The following NAPG variants were observed in gnomAD, a reference collection of about 807,000 sequenced individuals.
NAPG encodes the protein gamma-soluble NSF attachment protein.
In NAPG, 25 loss-of-function variants were observed where a neutral mutation model predicts 48.4. That is an observed-to-expected ratio of 0.52 (90% CI 0.38 to 0.72). NAPG has a LOEUF of 0.72. NAPG is among the 30% of genes least tolerant of loss of function. NAPG has a pLI of 0.00. For missense variants in NAPG, 359 were observed against 372.5 expected (o/e 0.96, Z 0.30); for synonymous variants, 139 against 127.2 (o/e 1.09, Z -0.62).
chr18:10,550,622 A>G lies in NAPG; in HGVS notation c.*402A>G, dbSNP rs2032368992. Reference sequence around the variant, plus strand: ...TACGTTTCATTTAATAATTGCTGCTAAAGGTGATGTTTACTGATAAATCAT... The same window carrying G: ...TACGTTTCATTTAATAATTGCTGCTGAAGGTGATGTTTACTGATAAATCAT... On this transcript the variant is annotated 3_prime_UTR_variant, in exon 12 of 12. Coordinates refer to ENST00000322897, the MANE Select transcript of NAPG (RefSeq NM_003826.3). 1 of 156,252 alleles carries G rather than the reference A, an allele frequency of 6.4e-6. No individual in the cohort carries two copies. Among genetic ancestry groups the G allele is most frequent in the South Asian group, 1.9e-4 (1 of 5,224 alleles). 9.7% of individuals were successfully genotyped at this position (156,252 alleles called of 1,614,324 possible).
chr18:10,526,917 C>A (rs185893522), intron 1 of NAPG, among the ~76,000 whole-genome samples: 1 of 151,864 alleles, frequency 6.6e-6, no homozygotes, highest in Non-Finnish European at 1.5e-5. Context: ...GGGCCGGGCG[C>A]GGTGGCTCAC....
At chr18:10,532,824 T>A in intron 3 of NAPG, 29 bp downstream of exon 3, 1 of 1,496,028 alleles carries the variant, frequency 6.7e-7, no homozygotes, top group African/African-American at 1.4e-5. Flanking sequence ...AAAAAGAAAT[T>A]AAACAATTAG....
chr18:10,527,431 G>A (rs1217874717), intron 1 of NAPG, among the ~76,000 whole-genome samples: 2 of 152,164 alleles, frequency 1.3e-5, no homozygotes, highest in Non-Finnish European at 2.9e-5. Context: ...ATGACTCGAG[G>A]CAGTCAGCGT....
intron 8 of NAPG, among the ~76,000 whole-genome samples, chr18:10,545,185 G>A (rs9955126): frequency 0.019 from 2,845 of 152,010 alleles, 88 homozygotes; most frequent in African/African-American, 0.063. Flanking sequence ...GGTGGTGGGC[G>A]CCTGTAATCC....
At position 10,534,630 on chromosome 18, in the gene NAPG, A is replaced by G; in HGVS notation, c.258+134A>G. ...GGTGCTAAGTTAAGATTTTCTGTCCACGGTAACGTTAATTGGACCCATAGA... is the reference window on the plus strand; with the variant it reads ...GGTGCTAAGTTAAGATTTTCTGTCCGCGGTAACGTTAATTGGACCCATAGA... On this transcript the variant is annotated intron_variant, in intron 5 of 11. Transcript: ENST00000322897. This position sits in a 1 kb window ranked among gnomAD's most constrained non-coding sequence, Gnocchi z 5.0. 2 of 743,572 alleles carry G rather than the reference A, an allele frequency of 2.7e-6. No homozygotes were observed. The highest frequency in any genetic ancestry group is 2.3e-5 in the Admixed American group (1 of 44,110). 46.1% of individuals were successfully genotyped at this position (743,572 alleles called of 1,614,324 possible). A position where few individuals can be genotyped will look rare whatever the true frequency, so the allele number is the denominator to read the frequency against.
rs976483259 is a variant in NAPG at position 10,546,179 on chromosome 18, T to C, written c.507-147T>C. On this transcript the variant is annotated intron_variant, in intron 8 of 11. Coordinates refer to ENST00000322897, the MANE Select transcript of NAPG (RefSeq NM_003826.3). The surrounding 1 kb of genome is among the most constrained non-coding windows in gnomAD (Gnocchi z 4.0). Reference sequence around the variant, plus strand: ...AAAGGTAAGCCAGATGAGCAGAGCATGTGGAAACCTGGGTCCTGGGGCAGC... The same window carrying C: ...AAAGGTAAGCCAGATGAGCAGAGCACGTGGAAACCTGGGTCCTGGGGCAGC... 5 of 487,790 alleles carry C rather than the reference T, an allele frequency of 1.0e-5. No homozygotes were observed. Among genetic ancestry groups the C allele is most frequent in the Admixed American group, 3.6e-5 (1 of 27,450 alleles). The allele number at this position is 487,790 out of a possible 1,614,324, so 30.2% of individuals were successfully genotyped here. A position where few individuals can be genotyped will look rare whatever the true frequency, so the allele number is the denominator to read the frequency against.
In NAPG at chr18:10,543,082, G is replaced by C. The variant is rs2032188176; in HGVS notation, c.506+2683G>C. ...ACCTATAATCCCAGCTACTCGGGAG[G>C]CTGGAGAATCGCTTGAACCCAGGAG... On this transcript the variant is annotated intron_variant, in intron 8 of 11. Coordinates refer to ENST00000322897, the MANE Select transcript of NAPG (RefSeq NM_003826.3). This position sits in a 1 kb window ranked among gnomAD's most constrained non-coding sequence, Gnocchi z 4.4. 1.3e-5 allele frequency among the ~76,000 whole-genome samples: 2 copies of C among 151,378 alleles called. No homozygotes were observed. Among genetic ancestry groups the C allele is most frequent in the South Asian group, 4.2e-4 (2 of 4,788 alleles).
chr18:10,548,994 C>CT lies in NAPG; in HGVS notation c.694dup (p.Cys232LeufsTer9). On this transcript the variant is annotated frameshift_variant, in exon 11 of 12. Transcript: ENST00000322897. LOFTEE classifies it high-confidence loss of function. This position sits in a 1 kb window ranked among gnomAD's most constrained non-coding sequence, Gnocchi z 4.4. Reference sequence around the variant, plus strand: ...TCCCTGGGTTCAATGGCAGTGAAGACTGTGCTGCCCTGGAACAGCTTCTTG... The same window carrying CT: ...TCCCTGGGTTCAATGGCAGTGAAGACTTGTGCTGCCCTGGAACAGCTTCTTG... 6.2e-7 allele frequency: 1 copy of CT among 1,613,796 alleles called. No homozygotes were observed. The highest frequency in any genetic ancestry group is 8.5e-7 in the Non-Finnish European group (1 of 1,179,740).
rs1337201674 is a variant in NAPG, at chr18:10,544,361, T to TGTC, written c.507-1963_507-1961dup. ...GGGTCTCACCAGGCCGAAATGAAGG[T>TGTC]GTCGGAGGGGGCTGATCTCACCGGA... is the stretch of plus-strand genomic sequence containing the variant. On this transcript the variant is annotated intron_variant, in intron 8 of 11. Coordinates refer to ENST00000322897, the MANE Select transcript of NAPG (RefSeq NM_003826.3). The surrounding 1 kb of genome is among the most constrained non-coding windows in gnomAD (Gnocchi z 5.1). Among the ~76,000 whole-genome samples, 1 of 152,114 alleles carries TGTC rather than the reference T, an allele frequency of 6.6e-6. No individual in the cohort carries two copies. Among genetic ancestry groups the TGTC allele is most frequent in the East Asian group, 1.9e-4 (1 of 5,194 alleles).
In NAPG at chr18:10,550,186, A is replaced by G; in HGVS notation, c.905A>G (p.Glu302Gly). Residue 302 changes from glutamate to glycine, a missense_variant, in exon 12 of 12, where the codon GAA (glutamate) becomes GGA (glycine). Glu to Gly is a moderately conservative substitution (Grantham distance 98). Coordinates refer to ENST00000322897, the MANE Select transcript of NAPG (RefSeq NM_003826.3). ...GGTGTCACTGCCACGGCTGCTGATG[A>G]AGAGGAAGATGAATACTCAGGAGGA... The part of the protein sequence containing the change: ...PDGVTATAAD[E>G]EEDEYSGGLC 1 of 1,589,156 alleles carries G rather than the reference A, an allele frequency of 6.3e-7. No individual in the cohort carries two copies.
intron 1 of NAPG, among the ~76,000 whole-genome samples, chr18:10,528,044 G>C (rs2031856255): frequency 6.6e-6 from 1 of 152,086 alleles, no homozygotes. Flanking sequence ...AAATTAGCCG[G>C]CTGTGGTGGC....
In NAPG at chr18:10,550,016, G is replaced by A. The variant is rs914334985; in HGVS notation, c.796-61G>A. 24 of 1,466,750 alleles carry A rather than the reference G, an allele frequency of 1.6e-5. No homozygotes were observed. The African/African-American group carries it at 2.5e-4, about 15-fold the overall frequency. 90.9% of individuals were successfully genotyped at this position (1,466,750 alleles called of 1,614,324 possible). A position where few individuals can be genotyped will look rare whatever the true frequency, so the allele number is the denominator to read the frequency against. On this transcript the variant is annotated intron_variant, in intron 11 of 11. Coordinates refer to ENST00000322897, the MANE Select transcript of NAPG (RefSeq NM_003826.3). Reference sequence around the variant, plus strand: ...AGCCAGGCTGTGTCTTTTTAGAGCTGAGTAAAACATGTTAGGATTCTAGTT... The same window carrying A: ...AGCCAGGCTGTGTCTTTTTAGAGCTAAGTAAAACATGTTAGGATTCTAGTT...
In NAPG at chr18:10,526,233, G is replaced by A. The variant is rs552599953; in HGVS notation, c.56+75G>A. ...TCACTGGCGCGGCCTTAGCACCCGG[G>A]GGGGGCGGGAGGGAGGGCTCAGGGC... On this transcript the variant is annotated intron_variant, in intron 1 of 11. Transcript: ENST00000322897. The A allele has an allele frequency of 1.2e-5, 11 of 942,286 alleles. 1 individual carries two copies. The highest frequency in any genetic ancestry group is 8.7e-5 in the East Asian group (3 of 34,370). 58.4% of individuals were successfully genotyped at this position (942,286 alleles called of 1,614,324 possible).
At chr18:10,545,268 C>G (rs1463943463) in intron 8 of NAPG, among the ~76,000 whole-genome samples, 1 of 151,996 alleles carries the variant, frequency 6.6e-6, no homozygotes, top group Non-Finnish European at 1.5e-5. Flanking sequence ...GCCGAGATGT[C>G]GCCACTGCAC....
chr18:10,526,807 GAT>G, intron 1 of NAPG: 1 of 152,322 alleles, frequency 6.6e-6, no homozygotes, highest in Non-Finnish European at 1.5e-5. Context: ...GGACTGAACT[GAT>G]AATCCTTAAT....
At position 10,549,075 on chromosome 18, in the gene NAPG, T is replaced by G; in HGVS notation, c.774T>G (p.Leu258=). ...TGTCAGATGTCTGCAACTCACCGCT[T>G]TTCAAGTACATGGACAATGATGTAA... The part of the protein sequence containing the change: ...DQVSDVCNSP[L]FKYMDNDYAK... The change falls in exon 11 of 12, where the codon CTT becomes CTG. Residue 258 remains leucine, a synonymous_variant. Transcript: ENST00000322897. The G allele has an allele frequency of 6.2e-7, 1 of 1,613,838 alleles. No homozygotes were observed. The highest frequency in any genetic ancestry group is 8.5e-7 in the Non-Finnish European group (1 of 1,179,760).
At chr18:10,532,637 A>G in intron 2 of NAPG, 74 bp from the exon 3 acceptor site, 2 of 1,136,946 alleles carry the variant, frequency 1.8e-6, no homozygotes, top group South Asian at 2.9e-5. Flanking sequence ...TACTTCATAT[A>G]AAATGCAGAT....
At chr18:10,538,268 C>T (rs922017021) in intron 5 of NAPG, among the ~76,000 whole-genome samples, 6 of 152,106 alleles carry the variant, frequency 3.9e-5, no homozygotes, top group African/African-American at 1.4e-4. Context: ...ACGTGGAGGG[C>T]ATTTGGAAGT....
intron 8 of NAPG, among the ~76,000 whole-genome samples, chr18:10,545,047 C>T (rs1052355315): frequency 3.9e-5 from 6 of 152,106 alleles, no homozygotes; most frequent in Non-Finnish European, 5.9e-5. Flanking sequence ...TGCGGTGGCT[C>T]ACGTCTATAA....
Sources: allele counts gnomAD v4.1 joint callset (sites outside exome capture counted in the v4.1 genomes callset), GRCh38; gene constraint gnomAD v4.1.1; non-coding constraint Gnocchi (gnomAD v3.1); transcripts MANE v1.5; gene names NCBI Gene and HGNC (gene_info 2026-07-23, HGNC 2026-07-21).